ZSWIM6: variants seen among roughly 807,000 people sequenced by gnomAD.
ZSWIM6 encodes the protein zinc finger SWIM-type containing 6, also known as zinc finger SWIM domain-containing protein 6.
In ZSWIM6, 9 loss-of-function variants were observed where a neutral mutation model predicts 113.2. The observed-to-expected ratio is 0.08, with a 90% CI of 0.05 to 0.14. ZSWIM6 has a LOEUF of 0.14. Among genes scored for constraint, ZSWIM6 ranks in the 10% least tolerant of loss-of-function variants. The pLI is 1.00. For synonymous variants in ZSWIM6, 611 were observed against 606.5 expected (o/e 1.01, Z -0.11); for missense variants, 1,162 against 1,552.2 (o/e 0.75, Z 4.22).
In ZSWIM6 at chr5:61,332,344, CGGG is replaced by C. The variant is rs1029841073; in HGVS notation, c.75_77del (p.Gly26del). 104 of 1,045,206 alleles carry C rather than the reference CGGG, an allele frequency of 1.0e-4. No individual in the cohort carries two copies. The highest frequency in any genetic ancestry group is 1.2e-4 in the Non-Finnish European group (102 of 854,964). 64.7% of individuals were successfully genotyped at this position (1,045,206 alleles called of 1,614,324 possible). ...GCCGGCCGGGCGGCGGCGGCGGCGG[CGGG>C]GGCAGCAGCGGCGGCGGCGGCGGCG... On this transcript the variant is annotated inframe_deletion, in exon 1 of 14. Transcript: ENST00000252744.
intron 1 of ZSWIM6, chr5:61,390,637 AC>A: frequency 1.3e-6 from 1 of 763,150 alleles, no homozygotes. Context: ...AACTTTTAAG[AC>A]CCCACCAGCT....
intron 1 of ZSWIM6, chr5:61,391,773 A>T (rs1322101493): frequency 2.0e-6 from 2 of 1,010,822 alleles, no homozygotes; most frequent in Non-Finnish European, 3.1e-6. Flanking sequence ...GGTCATCCTT[A>T]GGAAAGCTCT....
chr5:61,497,606 C>T (rs1288424295), intron 4 of ZSWIM6, among the ~76,000 whole-genome samples: 1 of 152,088 alleles, frequency 6.6e-6, no homozygotes, highest in East Asian at 1.9e-4. Context: ...TATTGCATCT[C>T]ATTTACAGAT....
At chr5:61,419,372 C>T (rs564242239) in intron 1 of ZSWIM6, among the ~76,000 whole-genome samples, 6 of 152,276 alleles carry the variant, frequency 3.9e-5, no homozygotes, top group African/African-American at 1.4e-4. Flanking sequence ...TTCTCATGAA[C>T]CACTGAGTAA....
intron 5 of ZSWIM6, among the ~76,000 whole-genome samples, chr5:61,525,295 A>G (rs1011418344): frequency 2.0e-5 from 3 of 152,252 alleles, no homozygotes; most frequent in Non-Finnish European, 2.9e-5. Flanking sequence ...ACCGCACAAT[A>G]TAGTTAAAAA....
At chr5:61,354,837 A>T (rs972134329) in intron 1 of ZSWIM6, among the ~76,000 whole-genome samples, 9 of 152,164 alleles carry the variant, frequency 5.9e-5, no homozygotes, top group Admixed American at 5.9e-4. Context: ...GTATTCAGTG[A>T]CTTATTATAT....
intron 1 of ZSWIM6, among the ~76,000 whole-genome samples, chr5:61,383,820 T>G (rs1745534722): frequency 6.6e-6 from 1 of 151,340 alleles, no homozygotes; most frequent in African/African-American, 2.4e-5. Context: ...GTGCTGGGAT[T>G]ACAGGGATGA....
intron 1 of ZSWIM6, among the ~76,000 whole-genome samples, chr5:61,399,232 T>TG (rs1745900248): frequency 2.9e-5 from 2 of 69,624 alleles, no homozygotes; most frequent in South Asian, 1.3e-3. Context: ...GCTGTGTATG[T>TG]TTTTTTTTTT....
intron 1 of ZSWIM6, among the ~76,000 whole-genome samples, chr5:61,342,088 C>T (rs1398108987): frequency 6.6e-6 from 1 of 151,930 alleles, no homozygotes; most frequent in Non-Finnish European, 1.5e-5. Flanking sequence ...CCATGTTGGC[C>T]AGGCTAGTCT....
intron 2 of ZSWIM6, 100 bp downstream of exon 2, chr5:61,473,137 C>A (rs1747614523): frequency 2.7e-6 from 2 of 742,920 alleles, no homozygotes; most frequent in African/African-American, 1.8e-5. Flanking sequence ...TGAAATAGAT[C>A]ATCAGCATTG....
intron 1 of ZSWIM6, among the ~76,000 whole-genome samples, chr5:61,381,135 C>T (rs971479473): frequency 1.3e-5 from 2 of 152,154 alleles, no homozygotes; most frequent in Non-Finnish European, 1.5e-5. Context: ...TGCCTGTAAT[C>T]CCAGCTACTC....
At position 61,430,503 on chromosome 5, in the gene ZSWIM6, C is replaced by T. The variant is rs184535637; in HGVS notation, c.677-42178C>T. Among the ~76,000 whole-genome samples the T allele has an allele frequency of 5.3e-5, 8 of 152,192 alleles. No homozygotes were observed. In the East Asian group the frequency reaches 1.5e-3, roughly 29 times the overall value. ...AATATTATAGAAGCTGCTTGTGGTACAGTTGACCTTTATCACAAACCCATT... is the reference window on the plus strand; with the variant it reads ...AATATTATAGAAGCTGCTTGTGGTATAGTTGACCTTTATCACAAACCCATT... On this transcript the variant is annotated intron_variant, in intron 1 of 13. Transcript: ENST00000252744.
chr5:61,513,014 G>GT (rs1419371559), intron 4 of ZSWIM6, among the ~76,000 whole-genome samples: 1 of 151,878 alleles, frequency 6.6e-6, no homozygotes, highest in African/African-American at 2.4e-5. Context: ...TTCGCTCTTG[G>GT]TGGTACGCAT....
chr5:61,535,738 G>A, intron 10 of ZSWIM6, 119 bp downstream of exon 10: 1 of 1,268,790 alleles, frequency 7.9e-7, no homozygotes, highest in Admixed American at 2.2e-5. Context: ...AAGAAACTAT[G>A]TATTTATGCT....
chr5:61,448,895 A>G (rs1297665093), intron 1 of ZSWIM6, among the ~76,000 whole-genome samples: 40 of 152,200 alleles, frequency 2.6e-4, no homozygotes, highest in Admixed American at 2.6e-3. Flanking sequence ...AGAGAGTAAT[A>G]GGTATATGTA....
At chr5:61,449,630 G>C (rs1228331892) in intron 1 of ZSWIM6, among the ~76,000 whole-genome samples, 1 of 152,158 alleles carries the variant, frequency 6.6e-6, no homozygotes, top group African/African-American at 2.4e-5. Flanking sequence ...ACCTCAAAAG[G>C]TATTTGGTAG....
At chr5:61,359,632 G>A (rs1318198988) in intron 1 of ZSWIM6, among the ~76,000 whole-genome samples, 2 of 152,264 alleles carry the variant, frequency 1.3e-5, no homozygotes, top group East Asian at 1.9e-4. Flanking sequence ...TGATGGGACT[G>A]TTTTCAGAAT....
At chr5:61,417,674 G>A (rs1746283928) in intron 1 of ZSWIM6, among the ~76,000 whole-genome samples, 1 of 152,202 alleles carries the variant, frequency 6.6e-6, no homozygotes, top group Admixed American at 6.5e-5. Context: ...TACCACTGAA[G>A]TGCATACTTT....
chr5:61,501,992 G>A (rs1748480649), intron 4 of ZSWIM6, among the ~76,000 whole-genome samples: 2 of 152,204 alleles, frequency 1.3e-5, no homozygotes, highest in Non-Finnish European at 2.9e-5. Flanking sequence ...GGCTAGGGAA[G>A]TCTCCTTACT....
Sources: allele counts gnomAD v4.1 joint callset (sites outside exome capture counted in the v4.1 genomes callset), GRCh38; gene constraint gnomAD v4.1.1; transcripts MANE v1.5; gene names NCBI Gene and HGNC (gene_info 2026-07-23, HGNC 2026-07-21).